Variants in ALS2 observed in about 807,000 individuals in gnomAD.
The protein encoded by ALS2 is alsin Rho guanine nucleotide exchange factor ALS2, also known as alsin.
Under a neutral mutation model 203.4 loss-of-function variants are expected in ALS2, and 117 were observed. That is an observed-to-expected ratio of 0.58 (90% CI 0.50 to 0.67). The LOEUF is 0.67. ALS2 is among the 30% of genes least tolerant of loss of function. ALS2 has a pLI of 0.00. For missense variants in ALS2, 1,715 were observed against 1,989.4 expected, an observed-to-expected ratio of 0.86 and a Z score of 2.62; for synonymous variants, 718 against 725.9, an observed-to-expected ratio of 0.99 and a Z score of 0.17.
intron 19 of ALS2, 142 bp downstream of exon 19, chr2:201,726,342 T>A: frequency 1.3e-6 from 1 of 798,338 alleles, no homozygotes; most frequent in Non-Finnish European, 2.1e-6. Context: ...CCTGGCTCTC[T>A]TCATGCTCAT....
At chr2:201,759,755 A>G (rs559940943) in intron 4 of ALS2, 2 of 985,198 alleles carry the variant, frequency 2.0e-6, no homozygotes, top group Admixed American at 1.2e-4. Flanking sequence ...CTGACAGAGT[A>G]AACAATAAGA....
chr2:201,767,443 C>T (rs1694148028), intron 2 of ALS2, 60 bp from the exon 3 acceptor site: 1 of 1,575,974 alleles, frequency 6.3e-7, no homozygotes, highest in East Asian at 2.3e-5. Flanking sequence ...ATCCTTTGTT[C>T]TTAATACTTT....
chr2:201,762,386 T>G (rs745657900), intron 3 of ALS2, among the ~76,000 whole-genome samples: 9 of 152,252 alleles, frequency 5.9e-5, no homozygotes, highest in Admixed American at 3.3e-4. Flanking sequence ...CTGTCTTCAC[T>G]TTGTATGTCA....
intron 9 of ALS2, 84 bp downstream of exon 9, chr2:201,746,482 T>G: frequency 1.4e-6 from 2 of 1,475,100 alleles, no homozygotes; most frequent in East Asian, 2.3e-5. Context: ...TACTAATAAT[T>G]AGCCATACAT....
In ALS2 at chr2:201,757,663, C is replaced by A; in HGVS notation, c.1210G>T (p.Gly404Cys). 6.2e-7 allele frequency: 1 copy of A among 1,614,074 alleles called. No individual in the cohort carries two copies. The highest frequency in any genetic ancestry group is 8.5e-7 in the Non-Finnish European group (1 of 1,180,012). The change falls in exon 5 of 34, where the codon GGT becomes TGT. Residue 404 changes from glycine (G) to cysteine (C), a missense_variant. Physicochemically the swap from Gly to Cys is radical, Grantham distance 159. Transcript: ENST00000264276. The part of the protein sequence containing the change: ...SLVVSCASAV[G>C]VRVAATYEAG... ...TCATAAGTAGCAGCCACTCTCACAC[C>A]AACAGCAGATGCACAAGAGACCACC...
chr2:201,730,438 A>G (rs1046836331), intron 13 of ALS2, among the ~76,000 whole-genome samples: 1 of 152,172 alleles, frequency 6.6e-6, no homozygotes, highest in Non-Finnish European at 1.5e-5. Flanking sequence ...GTATCAGGAA[A>G]CTGTCAGACT....
At chr2:201,718,436 T>C (rs913103134) in intron 23 of ALS2, among the ~76,000 whole-genome samples, 6 of 151,844 alleles carry the variant, frequency 4.0e-5, no homozygotes, top group African/African-American at 1.5e-4. Context: ...ATTTTTTGTG[T>C]TTTCAGTAGA....
chr2:201,761,818 T>A lies in ALS2; in HGVS notation c.176A>T (p.Asp59Val), dbSNP rs1008414779. 3.1e-6 allele frequency: 5 copies of A among 1,611,854 alleles called. No individual in the cohort carries two copies. The highest frequency in any genetic ancestry group is 3.4e-6 in the Non-Finnish European group (4 of 1,179,702). ...AGTCCCAAAGCTGTAGACCTCACCATCTGAAGGTTAAAAAAAAGAAAAAAG... is the reference window on the plus strand; with the variant it reads ...AGTCCCAAAGCTGTAGACCTCACCAACTGAAGGTTAAAAAAAAGAAAAAAG... The part of the protein sequence containing the change: ...GVKHGVLLTE[D>V]GEVYSFGTLP... Residue 59 changes from aspartate (D) to valine (V), a missense_variant and splice_region_variant, in exon 4 of 34, where the codon GAT (aspartate) becomes GTT (valine). Around this residue, in one of 3 missense-constraint regions of ALS2, gnomAD observed 476 missense variants for 539.3 expected, o/e 0.88. Transcript: ENST00000264276.
Position 201,741,991 on chromosome 2 carries a change from T to G in ALS2, c.2171-137A>C. On this transcript the variant is annotated intron_variant, in intron 10 of 33. Coordinates refer to ENST00000264276, the MANE Select transcript of ALS2 (RefSeq NM_020919.4). ...CTCTCAACTAAGGAACCCAAATGAT[T>G]ACAGTATTAAAGCAACCTCAAAGAT... 3 of 797,262 alleles carry G rather than the reference T, an allele frequency of 3.8e-6. No individual in the cohort carries two copies. The South Asian group carries it at 4.7e-5, about 12-fold the overall frequency. The allele number at this position is 797,262 out of a possible 1,614,324, so 49.4% of individuals were successfully genotyped here.
In ALS2 at chr2:201,700,817, T is replaced by G. The variant is rs191394218; in HGVS notation, c.*1034A>C. 1 of 152,638 alleles carries G rather than the reference T, an allele frequency of 6.6e-6. No individual in the cohort carries two copies. The highest frequency in any genetic ancestry group is 1.5e-5 in the Non-Finnish European group (1 of 68,024). The allele number at this position is 152,638 out of a possible 1,614,324, so 9.5% of individuals were successfully genotyped here. A position where few individuals can be genotyped will look rare whatever the true frequency, so the allele number is the denominator to read the frequency against. On this transcript the variant is annotated 3_prime_UTR_variant, in exon 34 of 34. Transcript: ENST00000264276. ...TACTTATACAGTATAAACCAACAACTTACAATAGGGCATTTTTTAAAAAGC... is the reference window on the plus strand; with the variant it reads ...TACTTATACAGTATAAACCAACAACGTACAATAGGGCATTTTTTAAAAAGC...
At chr2:201,751,814 A>G (rs1405241130) in intron 7 of ALS2, among the ~76,000 whole-genome samples, 2 of 152,182 alleles carry the variant, frequency 1.3e-5, no homozygotes, top group African/African-American at 4.8e-5. Context: ...TACACCCAGA[A>G]TTAGAATATG....
chr2:201,726,046 T>C (rs1179804561), intron 19 of ALS2, among the ~76,000 whole-genome samples: 3 of 152,196 alleles, frequency 2.0e-5, no homozygotes, highest in East Asian at 1.9e-4. Context: ...TAGAGCATCA[T>C]TGAGATAATA....
chr2:201,763,780 T>A (rs1339377984), intron 3 of ALS2, among the ~76,000 whole-genome samples: 1 of 152,226 alleles, frequency 6.6e-6, no homozygotes, highest in African/African-American at 2.4e-5. Context: ...TTAATTTTAC[T>A]GTAGTATTGT....
intron 23 of ALS2, 124 bp from the exon 24 acceptor site, chr2:201,718,334 A>G (rs1379839457): frequency 5.6e-6 from 6 of 1,063,118 alleles, no homozygotes; most frequent in Non-Finnish European, 8.4e-6. Context: ...ATCTTGGCTC[A>G]CTGCAACCTC....
chr2:201,704,721 G>C, intron 31 of ALS2, 118 bp from the exon 32 acceptor site: 1 of 1,161,300 alleles, frequency 8.6e-7, no homozygotes, highest in African/African-American at 1.5e-5. Flanking sequence ...GGACACTTAG[G>C]CATTATGAGT....
chr2:201,719,504 G>C (rs954341598), intron 23 of ALS2, among the ~76,000 whole-genome samples: 2 of 152,122 alleles, frequency 1.3e-5, no homozygotes, highest in Non-Finnish European at 2.9e-5. Flanking sequence ...CAGGAGAATC[G>C]CTTGAACCCA....
At chr2:201,774,383 G>A (rs1468418566) in intron 1 of ALS2, among the ~76,000 whole-genome samples, 2 of 152,212 alleles carry the variant, frequency 1.3e-5, no homozygotes. Context: ...ACATTTTGTG[G>A]TGGGAGGATA....
Position 201,754,612 on chromosome 2 carries a change from G to T in ALS2, c.1531C>A (p.Pro511Thr), listed in dbSNP as rs534602366. 6.2e-6 allele frequency: 10 copies of T among 1,614,006 alleles called. No individual in the cohort carries two copies. The Admixed American group carries it at 1.2e-4, about 19-fold the overall frequency. Residue 511 changes from proline to threonine, a missense_variant, in exon 6 of 34, where the codon CCC (proline) becomes ACC (threonine). Transcript: ENST00000264276. ...GCATCTGCTTCTCCACTGTATGTGGGGGTCAGAACCACTGTCCTCGTTTTC... is the reference window on the plus strand; with the variant it reads ...GCATCTGCTTCTCCACTGTATGTGGTGGTCAGAACCACTGTCCTCGTTTTC... ...RVKTRTVVLT[P>T]TYSGEADALL...
At chr2:201,713,997 C>T (rs1013385231) in intron 25 of ALS2, among the ~76,000 whole-genome samples, 2 of 152,130 alleles carry the variant, frequency 1.3e-5, no homozygotes, top group Non-Finnish European at 2.9e-5. Flanking sequence ...TTAGAAGCAC[C>T]TGAGCTAGGT....
Sources: gnomAD v4.1 joint callset for allele counts (sites outside exome capture counted in the v4.1 genomes callset) on GRCh38, gnomAD v4.1.1 for gene constraint, gnomAD v4.1.1 regional missense constraint, MANE v1.5 for transcripts, NCBI Gene and HGNC (gene_info 2026-07-23, HGNC 2026-07-21) for gene names.